SNX8: variants seen among roughly 807,000 people sequenced by gnomAD.
SNX8 encodes the protein sorting nexin-8.
SNX8 carries 25 observed loss-of-function variants against 51.6 expected under a neutral mutation model. That is an observed-to-expected ratio of 0.48 (90% CI 0.35 to 0.68). The LOEUF (loss-of-function observed/expected upper bound fraction) is 0.68, where lower values mean the gene tolerates loss of function less well. Ranked by LOEUF, SNX8 falls within the 30% of genes least tolerant of loss-of-function variation. The pLI is 0.00. For missense variants in SNX8, 695 were observed against 624.0 expected (o/e 1.11, Z -1.21); for synonymous variants, 324 against 277.0 (o/e 1.17, Z -1.68).
At chr7:2,290,741 G>T (rs1198599728) in intron 1 of SNX8, among the ~76,000 whole-genome samples, 2 of 152,196 alleles carry the variant, frequency 1.3e-5, no homozygotes, top group Non-Finnish European at 2.9e-5. Context: ...AGCAAAAGCT[G>T]CTGACACAAA....
At chr7:2,271,828 T>C (rs1057467469) in intron 4 of SNX8, 22 bp downstream of exon 4, 9 of 1,588,282 alleles carry the variant, frequency 5.7e-6, no homozygotes, top group African/African-American at 5.4e-5. Flanking sequence ...GGCCGGGACA[T>C]GGGCAGGGCA....
intron 2 of SNX8, among the ~76,000 whole-genome samples, chr7:2,276,903 C>T (rs1795793396): frequency 6.6e-6 from 1 of 152,202 alleles, no homozygotes; most frequent in African/African-American, 2.4e-5. Flanking sequence ...TATGATCGTG[C>T]CACTGCACTC....
intron 1 of SNX8, among the ~76,000 whole-genome samples, chr7:2,286,754 G>C (rs926199931): frequency 2.6e-5 from 4 of 151,706 alleles, no homozygotes; most frequent in Non-Finnish European, 5.9e-5. Flanking sequence ...TCCTGACCTC[G>C]TGATCCATGC....
At chr7:2,299,783 C>G (rs1038930151) in intron 1 of SNX8, among the ~76,000 whole-genome samples, 1 of 152,018 alleles carries the variant, frequency 6.6e-6, no homozygotes, top group Non-Finnish European at 1.5e-5. Flanking sequence ...TCCAAAATAT[C>G]TGACGGGGCT....
chr7:2,327,925 C>T (rs550151920), intron 1 of SNX8, among the ~76,000 whole-genome samples: 1 of 151,618 alleles, frequency 6.6e-6, no homozygotes, highest in Non-Finnish European at 1.5e-5. Context: ...TGCAGCGGCA[C>T]GATCATGGCT....
intron 1 of SNX8, among the ~76,000 whole-genome samples, chr7:2,280,219 C>A (rs1039426920): frequency 6.6e-6 from 1 of 152,290 alleles, no homozygotes; most frequent in East Asian, 1.9e-4. Context: ...AGAGATCCTA[C>A]GCCCAGCTTG....
intron 1 of SNX8, among the ~76,000 whole-genome samples, chr7:2,298,599 ACCTCAGGTGAT>A (rs1361018183): frequency 3.3e-5 from 5 of 150,794 alleles, no homozygotes; most frequent in Non-Finnish European, 7.4e-5. Flanking sequence ...CGAACTCCTA[ACCTCAGGTGAT>A]CCACCCGCCT....
At chr7:2,257,571 C>T in intron 8 of SNX8, 57 bp from the exon 9 acceptor site, 7 of 1,589,860 alleles carry the variant, frequency 4.4e-6, no homozygotes, top group Non-Finnish European at 6.0e-6. Context: ...CAGGGCCCTG[C>T]GGAGCCGGCC....
chr7:2,289,576 G>A (rs929896932), intron 1 of SNX8, among the ~76,000 whole-genome samples: 4 of 151,472 alleles, frequency 2.6e-5, no homozygotes, highest in South Asian at 2.1e-4. Context: ...TATAACCACC[G>A]TTCCATATTC....
At chr7:2,264,207 T>C in intron 6 of SNX8, 91 bp downstream of exon 6, 1 of 1,293,528 alleles carries the variant, frequency 7.7e-7, no homozygotes, top group African/African-American at 1.4e-5. Flanking sequence ...TGCTGGTTAT[T>C]ACGGTAAACG....
chr7:2,255,120 G>T lies in SNX8; in HGVS notation c.1334C>A (p.Ala445Glu), dbSNP rs374916680. The T allele has an allele frequency of 6.3e-7, 1 of 1,578,474 alleles. No homozygotes were observed. The highest frequency in any genetic ancestry group is 2.3e-5 in the East Asian group (1 of 42,916). ...TGGGGTCAGGGTGCTGTGTGGTCCC[G>T]CAAAGAGGCAGCTGAGCTTGGGCCT... The part of the protein sequence containing the change: ...DLRPKLSCLF[A>E]GPHSTLTPPC... Residue 445 changes from alanine (A) to glutamate (E), a missense_variant, in exon 11 of 11, where the codon GCG (alanine) becomes GAG (glutamate). Physicochemically the swap from Ala to Glu is moderately radical, Grantham distance 107. Coordinates refer to ENST00000222990, the MANE Select transcript of SNX8 (RefSeq NM_013321.4).
intron 1 of SNX8, chr7:2,337,035 T>C (rs894363790): frequency 1.3e-5 from 2 of 150,670 alleles, no homozygotes; most frequent in Non-Finnish European, 3.0e-5. Flanking sequence ...GAAATCAGTA[T>C]AGCGGTTGCC....
chr7:2,268,568 C>G (rs1795550582), intron 5 of SNX8, among the ~76,000 whole-genome samples: 1 of 147,280 alleles, frequency 6.8e-6, no homozygotes, highest in African/African-American at 2.5e-5. Flanking sequence ...AGCCCCCCGC[C>G]TGGCCAGCCG....
intron 1 of SNX8, among the ~76,000 whole-genome samples, chr7:2,333,866 C>T (rs912117523): frequency 6.6e-6 from 1 of 152,180 alleles, no homozygotes; most frequent in Non-Finnish European, 1.5e-5. Flanking sequence ...CACAGGATTA[C>T]AGGCTCATGC....
At chr7:2,314,452 C>T (rs1027534629), upstream of SNX8, 79 of 1,202,898 alleles carry the variant, frequency 6.6e-5, no homozygotes, top group South Asian at 3.7e-4. Flanking sequence ...GACTTCCTCC[C>T]GCGCCACCCG....
intron 1 of SNX8, among the ~76,000 whole-genome samples, chr7:2,284,177 G>A (rs1246134909): frequency 6.6e-6 from 1 of 152,132 alleles, no homozygotes; most frequent in Non-Finnish European, 1.5e-5. Flanking sequence ...TGATCCACCC[G>A]CCTCAGCCTC....
intron 7 of SNX8, among the ~76,000 whole-genome samples, chr7:2,262,817 G>C (rs546331543): frequency 6.6e-6 from 1 of 152,186 alleles, no homozygotes. Context: ...TCATTCACTC[G>C]GCTCAGAACT....
At chr7:2,325,327 G>T (rs1048664471) in intron 1 of SNX8, among the ~76,000 whole-genome samples, 1 of 152,158 alleles carries the variant, frequency 6.6e-6, no homozygotes, top group Non-Finnish European at 1.5e-5. Context: ...TTTTGAGGTG[G>T]ATACAGAAAA....
chr7:2,266,004 TATTC>T (rs1795453470), intron 5 of SNX8, among the ~76,000 whole-genome samples: 1 of 152,134 alleles, frequency 6.6e-6, no homozygotes, highest in African/African-American at 2.4e-5. Flanking sequence ...TGGTCCCAGC[TATTC>T]TGGGAGGCTG....
Sources: gnomAD v4.1 joint callset for allele counts (sites outside exome capture counted in the v4.1 genomes callset) on GRCh38, gnomAD v4.1.1 for gene constraint, MANE v1.5 for transcripts, NCBI Gene and HGNC (gene_info 2026-07-23, HGNC 2026-07-21) for gene names.